The following RXFP1 variants were observed in gnomAD, a reference collection of about 807,000 sequenced individuals.
RXFP1 encodes relaxin family peptide receptor 1.
Under a neutral mutation model 89.8 loss-of-function variants are expected in RXFP1, and 73 were observed. The ratio of observed to expected loss-of-function variants is 0.81; its 90% CI spans 0.67 to 0.99. The LOEUF (loss-of-function observed/expected upper bound fraction) is 0.99. Ranked by LOEUF, RXFP1 falls within the 50% of genes least tolerant of loss-of-function variation. The pLI, the probability that RXFP1 is intolerant of heterozygous loss-of-function variation, is 0.00. For missense variants in RXFP1, 793 were observed against 895.5 expected (o/e 0.89, Z 1.46); for synonymous variants, 277 against 305.5 (o/e 0.91, Z 0.97).
chr4:158,621,357 T>C (rs1234729188), intron 9 of RXFP1, among the ~76,000 whole-genome samples: 2 of 152,110 alleles, frequency 1.3e-5, no homozygotes, highest in Non-Finnish European at 2.9e-5. Flanking sequence ...AGATAGACAG[T>C]GGTATTCCCA....
At chr4:158,600,021 G>A (rs1015029100) in intron 4 of RXFP1, among the ~76,000 whole-genome samples, 8 of 152,142 alleles carry the variant, frequency 5.3e-5, no homozygotes, top group African/African-American at 1.4e-4. Flanking sequence ...TCTAGTACCC[G>A]TAATGTTAGT....
chr4:158,617,082 T>G, intron 8 of RXFP1, 49 bp from the exon 9 acceptor site: 10 of 1,266,090 alleles, frequency 7.9e-6, no homozygotes, highest in Non-Finnish European at 1.1e-5. Flanking sequence ...TGACCCAAGA[T>G]GAGAAGAGAA....
chr4:158,603,522 T>C (rs1762048088), intron 4 of RXFP1, among the ~76,000 whole-genome samples: 1 of 152,194 alleles, frequency 6.6e-6, no homozygotes, highest in Non-Finnish European at 1.5e-5. Context: ...TTTTCTTTCA[T>C]TATTGTTTCC....
At chr4:158,534,240 T>G (rs904371759) in intron 1 of RXFP1, among the ~76,000 whole-genome samples, 3 of 102,210 alleles carry the variant, frequency 2.9e-5, no homozygotes, top group African/African-American at 6.3e-5. Context: ...TGTTATGATA[T>G]TCTGATTTTT....
At chr4:158,606,928 G>C in intron 5 of RXFP1, 1 of 735,858 alleles carries the variant, frequency 1.4e-6, no homozygotes. Context: ...AGGTTTTCTT[G>C]CATGTTGGAG....
intron 1 of RXFP1, among the ~76,000 whole-genome samples, chr4:158,562,009 C>T (rs1752550106): frequency 6.6e-6 from 1 of 152,060 alleles, no homozygotes; most frequent in African/African-American, 2.4e-5. Context: ...TGTCAAGTTA[C>T]CTTAAATAGT....
At chr4:158,578,157 G>A (rs2150016949) in intron 2 of RXFP1, among the ~76,000 whole-genome samples, 1 of 152,182 alleles carries the variant, frequency 6.6e-6, no homozygotes, top group East Asian at 1.9e-4. Context: ...CCTTACTGGT[G>A]AACTTCAGTA....
chr4:158,615,061 G>C (rs973860543), intron 8 of RXFP1, among the ~76,000 whole-genome samples: 1 of 152,048 alleles, frequency 6.6e-6, no homozygotes, highest in Non-Finnish European at 1.5e-5. Context: ...TAATTCTTGA[G>C]GGCCCATAAT....
chr4:158,613,303 G>A (rs1297223674), intron 8 of RXFP1, among the ~76,000 whole-genome samples: 1 of 152,142 alleles, frequency 6.6e-6, no homozygotes, highest in Non-Finnish European at 1.5e-5. Context: ...AGATAACAAT[G>A]AGGTTTGCTA....
At chr4:158,624,690 G>T (rs1233857796) in intron 9 of RXFP1, among the ~76,000 whole-genome samples, 1 of 152,078 alleles carries the variant, frequency 6.6e-6, no homozygotes, top group Non-Finnish European at 1.5e-5. Context: ...TTTTGCTTCA[G>T]CTAAGAGGTA....
intron 3 of RXFP1, among the ~76,000 whole-genome samples, chr4:158,598,205 CAAT>C (rs1315608243): frequency 6.6e-6 from 1 of 152,040 alleles, no homozygotes; most frequent in African/African-American, 2.4e-5. Flanking sequence ...TTTGTTTGTC[CAAT>C]AATATTTTTA....
intron 3 of RXFP1, among the ~76,000 whole-genome samples, chr4:158,595,215 G>T (rs1051882638): frequency 3.5e-4 from 53 of 152,118 alleles, no homozygotes; most frequent in African/African-American, 1.1e-3. Context: ...TCTCCGTTTT[G>T]TACAACTTAT....
At chr4:158,634,192 CT>C (rs1021570786) in intron 12 of RXFP1, among the ~76,000 whole-genome samples, 1 of 152,120 alleles carries the variant, frequency 6.6e-6, no homozygotes. Flanking sequence ...TTGGTATTTT[CT>C]GTTTTTTTGA....
intron 1 of RXFP1, among the ~76,000 whole-genome samples, chr4:158,548,333 C>G (rs186758526): frequency 6.6e-6 from 1 of 152,092 alleles, no homozygotes; most frequent in Non-Finnish European, 1.5e-5. Flanking sequence ...TTATTGTGAG[C>G]CTATGTGTGT....
At chr4:158,622,649 T>TATAATATATATACTCATATAAAA (rs1280991592) in intron 9 of RXFP1, among the ~76,000 whole-genome samples, 2 of 152,184 alleles carry the variant, frequency 1.3e-5, no homozygotes, top group Admixed American at 6.5e-5. Flanking sequence ...CATTTATACG[T>TATAATATATATACTCATATAAAA]GGAATTTCTT....
chr4:158,645,516 A>G (rs1013997129), intron 15 of RXFP1, among the ~76,000 whole-genome samples: 4 of 152,242 alleles, frequency 2.6e-5, no homozygotes, highest in African/African-American at 7.2e-5. Flanking sequence ...GTGTATGTCC[A>G]GTTCACAGAT....
chr4:158,628,986 C>T (rs555573267), intron 11 of RXFP1, among the ~76,000 whole-genome samples: 6 of 129,128 alleles, frequency 4.6e-5, no homozygotes, highest in African/African-American at 1.9e-4. Context: ...ACATTCTACA[C>T]CACTCTGTTC....
At chr4:158,642,428 A>T (rs1161338641) in intron 14 of RXFP1, among the ~76,000 whole-genome samples, 2 of 152,188 alleles carry the variant, frequency 1.3e-5, no homozygotes, top group East Asian at 3.8e-4. Context: ...TTCTTTAATA[A>T]GTCTGCCTGT....
At chr4:158,626,685 G>A in intron 9 of RXFP1, 135 bp from the exon 10 acceptor site, 1 of 480,150 alleles carries the variant, frequency 2.1e-6, no homozygotes, top group Admixed American at 4.1e-5. Context: ...TAATAGAAAT[G>A]GCTACAAGTG....
Sources: gnomAD v4.1 joint callset for allele counts (sites outside exome capture counted in the v4.1 genomes callset) on GRCh38, gnomAD v4.1.1 for gene constraint, MANE v1.5 for transcripts, NCBI Gene and HGNC (gene_info 2026-07-23, HGNC 2026-07-21) for gene names.